SLC8A1: variants seen among roughly 807,000 people sequenced by gnomAD.
The protein encoded by SLC8A1 is sodium/calcium exchanger 1.
A neutral mutation model predicts 68.3 loss-of-function variants in SLC8A1; 18 were observed. The observed-to-expected ratio is 0.26, with a 90% CI of 0.18 to 0.39. SLC8A1 has a LOEUF of 0.39. Among genes scored for constraint, SLC8A1 ranks in the 10% least tolerant of loss-of-function variants. The pLI is 1.00. For missense variants in SLC8A1, 985 were observed against 1,156.7 expected (o/e 0.85, Z 2.15); for synonymous variants, 475 against 415.5 (o/e 1.14, Z -1.74).
intron 2 of SLC8A1, among the ~76,000 whole-genome samples, chr2:40,252,105 C>CCCT (rs2062853285): frequency 6.6e-6 from 1 of 152,042 alleles, no homozygotes; most frequent in Non-Finnish European, 1.5e-5. Context: ...GAATTATTTT[C>CCCT]CCTCTTTTAA....
intron 5 of SLC8A1, 105 bp from the exon 9 acceptor site, chr2:40,160,969 G>A: frequency 1.3e-6 from 1 of 754,912 alleles, no homozygotes; most frequent in Non-Finnish European, 2.3e-6. Flanking sequence ...AAGGGTAGCA[G>A]ATGTTAGGCT....
intron 2 of SLC8A1, among the ~76,000 whole-genome samples, chr2:40,356,566 A>G (rs150072750): frequency 7.0e-4 from 107 of 152,050 alleles, no homozygotes; most frequent in African/African-American, 2.5e-3. Context: ...TAATGTTAAA[A>G]TGTTGGTTTC....
At chr2:40,254,927 A>AAAAC (rs1416243337) in intron 2 of SLC8A1, 1 of 152,206 alleles carries the variant, frequency 6.6e-6, no homozygotes, top group East Asian at 1.9e-4. Flanking sequence ...TTTAATTATA[A>AAAAC]AAACAGTATA....
chr2:40,419,470 C>T (rs1694853582), intron 2 of SLC8A1, among the ~76,000 whole-genome samples: 1 of 152,082 alleles, frequency 6.6e-6, no homozygotes, highest in East Asian at 1.9e-4. Flanking sequence ...TGTCTGTCTC[C>T]TTTCTCTCCC....
intron 2 of SLC8A1, among the ~76,000 whole-genome samples, chr2:40,362,583 T>C (rs1321842426): frequency 6.6e-6 from 1 of 152,288 alleles, no homozygotes; most frequent in Non-Finnish European, 1.5e-5. Context: ...AAATGATATA[T>C]CTTCATGTGA....
At chr2:40,154,484 C>CTTTTTTTTT (rs869231195) in intron 6 of SLC8A1, among the ~76,000 whole-genome samples, 2 of 46,188 alleles carry the variant, frequency 4.3e-5, no homozygotes, top group African/African-American at 1.1e-4. Context: ...TTTTTCTTTT[C>CTTTTTTTTT]TTTTTTTTTT....
At chr2:40,113,015 A>G (rs921432124) in exon 8 of SLC8A1, 1 of 152,358 alleles carries the variant, frequency 6.6e-6, no homozygotes, top group Non-Finnish European at 1.5e-5. Context: ...AAATCTTTCC[A>G]TATGGCTTTC....
exon 8 of SLC8A1, chr2:40,098,384 G>T (rs2033699240): frequency 1.3e-5 from 2 of 151,992 alleles, no homozygotes; most frequent in African/African-American, 2.4e-5. Context: ...GCTAGTTCTT[G>T]CTAACTGCAC....
intron 2 of SLC8A1, among the ~76,000 whole-genome samples, chr2:40,184,713 A>C (rs1267120729): frequency 1.3e-5 from 2 of 152,076 alleles, no homozygotes; most frequent in African/African-American, 4.8e-5. Context: ...CGGGAACTGG[A>C]ACTTTCCCAC....
intron 2 of SLC8A1, among the ~76,000 whole-genome samples, chr2:40,210,546 A>G (rs2056392682): frequency 1.3e-5 from 2 of 152,324 alleles, no homozygotes; most frequent in Admixed American, 6.5e-5. Context: ...AATGTAGTGT[A>G]TATGCTTTCT....
intron 2 of SLC8A1, among the ~76,000 whole-genome samples, chr2:40,424,157 T>C (rs1696240285): frequency 6.6e-6 from 1 of 150,642 alleles, no homozygotes; most frequent in Non-Finnish European, 1.5e-5. Flanking sequence ...CTAACAGCCT[T>C]TCTTGTCTTG....
At chr2:40,171,300 T>C (rs1411567322) in intron 4 of SLC8A1, among the ~76,000 whole-genome samples, 1 of 152,222 alleles carries the variant, frequency 6.6e-6, no homozygotes, top group Non-Finnish European at 1.5e-5. Context: ...AAGTCTTGTG[T>C]CTTATTAAGT....
chr2:40,510,498 A>C (rs532935722), intron 1 of SLC8A1, among the ~76,000 whole-genome samples: 7 of 152,316 alleles, frequency 4.6e-5, no homozygotes, highest in Admixed American at 1.3e-4. Flanking sequence ...CACAAACACT[A>C]GTGGCATCAT....
intron 2 of SLC8A1, among the ~76,000 whole-genome samples, chr2:40,385,766 T>C (rs1387749815): frequency 6.6e-6 from 1 of 151,312 alleles, no homozygotes; most frequent in Non-Finnish European, 1.5e-5. Flanking sequence ...GAATCTATTT[T>C]AAAACAGAAG....
chr2:40,259,661 G>A (rs1047484970), intron 2 of SLC8A1, among the ~76,000 whole-genome samples: 2 of 150,340 alleles, frequency 1.3e-5, no homozygotes, highest in African/African-American at 2.5e-5. Context: ...ATACCCATAA[G>A]AGAACCTTTT....
intron 2 of SLC8A1, among the ~76,000 whole-genome samples, chr2:40,249,390 A>G (rs560810905): frequency 7.0e-4 from 107 of 152,332 alleles, no homozygotes; most frequent in African/African-American, 2.4e-3. Flanking sequence ...AAACAAAGCA[A>G]TGTGTCCCAT....
intron 2 of SLC8A1, among the ~76,000 whole-genome samples, chr2:40,261,532 C>G (rs1396943600): frequency 6.6e-6 from 1 of 152,258 alleles, no homozygotes; most frequent in South Asian, 2.1e-4. Context: ...TCTTTCTTGG[C>G]TGATTTGAGT....
intron 1 of SLC8A1, among the ~76,000 whole-genome samples, chr2:40,449,958 G>C (rs546160491): frequency 6.6e-6 from 1 of 152,302 alleles, no homozygotes; most frequent in East Asian, 1.9e-4. Context: ...GCAGGTGTGA[G>C]AAATCTTAGC....
intron 1 of SLC8A1, among the ~76,000 whole-genome samples, chr2:40,437,263 G>C (rs1428898608): frequency 6.6e-6 from 1 of 152,056 alleles, no homozygotes; most frequent in Non-Finnish European, 1.5e-5. Flanking sequence ...CAAGATTTAG[G>C]TACTTAACCT....
Sources: allele counts gnomAD v4.1 joint callset (sites outside exome capture counted in the v4.1 genomes callset), GRCh38; gene constraint gnomAD v4.1.1; transcripts MANE v1.5; gene names NCBI Gene and HGNC (gene_info 2026-07-23, HGNC 2026-07-21).